Variants in CA10 observed in about 807,000 individuals in gnomAD.
CA10 encodes the protein carbonic anhydrase-related protein 10.
A neutral mutation model predicts 44.2 loss-of-function variants in CA10; 14 were observed. That is an observed-to-expected ratio of 0.32 (90% CI 0.21 to 0.50). The LOEUF is 0.50. CA10 is among the 20% of genes least tolerant of loss of function. The probability of loss-of-function intolerance (pLI) is 0.99; values close to 1 mark genes in which losing one functional copy is unlikely to be tolerated. For synonymous variants in CA10, 159 were observed against 141.6 expected, an observed-to-expected ratio of 1.12 and a Z score of -0.87; for missense variants, 350 against 409.7, an observed-to-expected ratio of 0.85 and a Z score of 1.26.
intron 2 of CA10, among the ~76,000 whole-genome samples, chr17:52,024,379 A>G (rs1986235320): frequency 1.3e-5 from 2 of 152,118 alleles, no homozygotes; most frequent in Admixed American, 6.6e-5. Flanking sequence ...TGTTGAGCCT[A>G]TTAAGTAACA....
At chr17:52,052,176 T>G (rs2143050944) in intron 2 of CA10, among the ~76,000 whole-genome samples, 1 of 151,526 alleles carries the variant, frequency 6.6e-6, no homozygotes, top group East Asian at 2.0e-4. Context: ...AAATAAGTAA[T>G]GGGTACTAGG....
chr17:51,727,779 C>G (rs1019536117), intron 4 of CA10, among the ~76,000 whole-genome samples: 1 of 152,072 alleles, frequency 6.6e-6, no homozygotes, highest in Non-Finnish European at 1.5e-5. Context: ...TATTATGATT[C>G]TAAACATTAG....
intron 4 of CA10, among the ~76,000 whole-genome samples, chr17:51,674,462 C>T (rs569225418): frequency 6.6e-6 from 1 of 152,132 alleles, no homozygotes; most frequent in East Asian, 1.9e-4. Flanking sequence ...GAGTTTTATT[C>T]ATTTCTTAAC....
At chr17:52,103,807 A>G (rs1988595433) in intron 1 of CA10, among the ~76,000 whole-genome samples, 1 of 152,206 alleles carries the variant, frequency 6.6e-6, no homozygotes, top group African/African-American at 2.4e-5. Flanking sequence ...TTACCGCAAG[A>G]GGCAGTCCCC....
At chr17:52,041,045 T>G (rs371285235) in intron 2 of CA10, among the ~76,000 whole-genome samples, 6 of 151,894 alleles carry the variant, frequency 4.0e-5, no homozygotes, top group African/African-American at 1.5e-4. Flanking sequence ...ATGGTCTTGG[T>G]AGAGGAGCTA....
intron 3 of CA10, among the ~76,000 whole-genome samples, chr17:51,789,670 G>A (rs1756395316): frequency 1.3e-5 from 2 of 152,098 alleles, no homozygotes; most frequent in South Asian, 2.1e-4. Flanking sequence ...CCTTCCTTGG[G>A]GAAGCCTTCT....
intron 3 of CA10, among the ~76,000 whole-genome samples, chr17:51,801,224 C>T (rs1906912705): frequency 6.6e-6 from 1 of 152,176 alleles, no homozygotes; most frequent in South Asian, 2.1e-4. Flanking sequence ...TAAAACCACA[C>T]ACATGTTCAC....
At chr17:51,971,747 T>C (rs570702995) in intron 2 of CA10, among the ~76,000 whole-genome samples, 1 of 152,064 alleles carries the variant, frequency 6.6e-6, no homozygotes, top group Non-Finnish European at 1.5e-5. Context: ...TAGTGTCCTG[T>C]GTTAATAAAA....
intron 3 of CA10, among the ~76,000 whole-genome samples, chr17:51,850,664 A>T (rs978439727): frequency 1.7e-4 from 26 of 152,192 alleles, no homozygotes; most frequent in African/African-American, 5.8e-4. Flanking sequence ...GGCAGCAGAT[A>T]TTGCACTGAA....
chr17:52,086,199 A>T (rs893649723), intron 1 of CA10, among the ~76,000 whole-genome samples: 4 of 152,224 alleles, frequency 2.6e-5, no homozygotes, highest in African/African-American at 9.6e-5. Context: ...ACAAATTAAG[A>T]TAATGATAGT....
At position 51,696,237 on chromosome 17, in the gene CA10, A is replaced by G. The variant is rs192060108; in HGVS notation, c.466-42501T>C. The stretch of plus-strand genomic sequence containing the variant: ...TGATTTTTTGGAATAGTTTCAATAG[A>G]GTTGGTACCAGCTATCCTTTGTTTA... On this transcript the variant is annotated intron_variant, in intron 4 of 8. Transcript: ENST00000451037. Among the ~76,000 whole-genome samples the G allele has an allele frequency of 4.9e-3, 751 of 152,156 alleles. 9 individuals are homozygous for G. Among genetic ancestry groups the G allele is most frequent in the African/African-American group, 0.017 (714 of 41,522 alleles).
chr17:52,118,667 T>G (rs1448584544), intron 1 of CA10, among the ~76,000 whole-genome samples: 1 of 152,176 alleles, frequency 6.6e-6, no homozygotes, highest in Non-Finnish European at 1.5e-5. Flanking sequence ...TATTAATATA[T>G]ATTCCAAAAT....
intron 2 of CA10, among the ~76,000 whole-genome samples, chr17:52,057,786 G>C (rs1021608501): frequency 6.6e-6 from 1 of 151,986 alleles, no homozygotes; most frequent in Non-Finnish European, 1.5e-5. Context: ...TCATTTGGTG[G>C]GTTTCATTAT....
chr17:51,960,559 G>A (rs1016093961), intron 2 of CA10, among the ~76,000 whole-genome samples: 1 of 152,132 alleles, frequency 6.6e-6, no homozygotes, highest in Non-Finnish European at 1.5e-5. Flanking sequence ...GTATTTTAGT[G>A]AAAATCATAG....
At chr17:52,112,685 A>G (rs903760582) in intron 1 of CA10, among the ~76,000 whole-genome samples, 3 of 152,350 alleles carry the variant, frequency 2.0e-5, no homozygotes, top group African/African-American at 7.2e-5. Context: ...TTAAATATCC[A>G]AAGTGCCTAG....
intron 4 of CA10, among the ~76,000 whole-genome samples, chr17:51,673,949 CCCT>C (rs1465350405): frequency 7.5e-6 from 1 of 133,408 alleles, no homozygotes; most frequent in African/African-American, 2.9e-5. Flanking sequence ...ACACACCTTC[CCCT>C]CCTCCTAGAA....
chr17:51,693,330 T>C (rs1330703406), intron 4 of CA10, among the ~76,000 whole-genome samples: 1 of 152,134 alleles, frequency 6.6e-6, no homozygotes, highest in Non-Finnish European at 1.5e-5. Flanking sequence ...TAATTATATC[T>C]TTTTCTCTTT....
intron 3 of CA10, among the ~76,000 whole-genome samples, chr17:51,808,964 T>C (rs1907247927): frequency 6.6e-6 from 1 of 152,158 alleles, no homozygotes; most frequent in Non-Finnish European, 1.5e-5. Flanking sequence ...TTTCTAAATG[T>C]ATTCTGTTTT....
intron 2 of CA10, among the ~76,000 whole-genome samples, chr17:52,035,044 T>C (rs1567710596): frequency 6.6e-6 from 1 of 152,102 alleles, no homozygotes; most frequent in Non-Finnish European, 1.5e-5. Flanking sequence ...GGCAGAGAAA[T>C]TCTAGCCAGA....
Sources: gnomAD v4.1 joint callset for allele counts (sites outside exome capture counted in the v4.1 genomes callset) on GRCh38, gnomAD v4.1.1 for gene constraint, MANE v1.5 for transcripts, NCBI Gene and HGNC (gene_info 2026-07-23, HGNC 2026-07-21) for gene names.